The following PIP5K1B variants were observed in gnomAD, a reference collection of about 807,000 sequenced individuals.
PIP5K1B encodes the protein phosphatidylinositol-4-phosphate 5-kinase type 1 beta.
Under a neutral mutation model 67.0 loss-of-function variants are expected in PIP5K1B, and 42 were observed. The ratio of observed to expected loss-of-function variants is 0.63; its 90% CI spans 0.49 to 0.81. The LOEUF (loss-of-function observed/expected upper bound fraction) is 0.81, where lower values mean the gene tolerates loss of function less well. PIP5K1B is among the 30% of genes least tolerant of loss of function. PIP5K1B has a pLI of 0.00. For missense variants in PIP5K1B, 459 were observed against 646.3 expected (o/e 0.71, Z 3.14); for synonymous variants, 214 against 231.4 (o/e 0.92, Z 0.68).
At chr9:68,948,644 T>C (rs950502685) in intron 14 of PIP5K1B, among the ~76,000 whole-genome samples, 1 of 15,100 alleles carries the variant, frequency 6.6e-5, no homozygotes, top group Non-Finnish European at 3.4e-4. Context: ...AGACCTTGCC[T>C]CAAAAAAAAA....
chr9:68,830,530 A>G (rs1263190963), intron 4 of PIP5K1B, among the ~76,000 whole-genome samples: 1 of 152,158 alleles, frequency 6.6e-6, no homozygotes, highest in East Asian at 1.9e-4. Context: ...TCCATATGTT[A>G]AGTTACCCAG....
intron 15 of PIP5K1B, among the ~76,000 whole-genome samples, chr9:69,000,408 T>A (rs531831373): frequency 8.5e-5 from 13 of 152,280 alleles, no homozygotes; most frequent in African/African-American, 3.1e-4. Context: ...GTTGCTATTT[T>A]ATTAGTTTTC....
At position 69,008,547 on chromosome 9, in the gene PIP5K1B, A is replaced by G; in HGVS notation, c.*98A>G. 1 of 1,161,472 alleles carries G rather than the reference A, an allele frequency of 8.6e-7. No individual in the cohort carries two copies. The highest frequency in any genetic ancestry group is 1.2e-5 in the South Asian group (1 of 81,858). The allele number at this position is 1,161,472 out of a possible 1,614,324, so 71.9% of individuals were successfully genotyped here. ...AGAATTATCCACAGCAACTTGGCTGAGCCCCACTACACACAGAGAAATCAT... is the reference window on the plus strand; with the variant it reads ...AGAATTATCCACAGCAACTTGGCTGGGCCCCACTACACACAGAGAAATCAT... On this transcript the variant is annotated 3_prime_UTR_variant, in exon 16 of 16. Transcript: ENST00000265382.
chr9:68,933,888 TG>T (rs1199045848), intron 12 of PIP5K1B, among the ~76,000 whole-genome samples: 2 of 152,176 alleles, frequency 1.3e-5, no homozygotes, highest in African/African-American at 2.4e-5. Flanking sequence ...AAGCAGCCTC[TG>T]GGAAGGCCCC....
chr9:68,788,436 A>T, intron 2 of PIP5K1B: 1 of 520,390 alleles, frequency 1.9e-6, no homozygotes, highest in Non-Finnish European at 3.5e-6. Context: ...CTTAACTACA[A>T]GTTAATTTTA....
intron 5 of PIP5K1B, 28 bp from the exon 6 acceptor site, chr9:68,876,649 C>T: frequency 1.6e-6 from 2 of 1,220,280 alleles, no homozygotes; most frequent in Admixed American, 1.7e-5. Context: ...TTCTTTCTTT[C>T]TCTCTCTTTT....
intron 9 of PIP5K1B, among the ~76,000 whole-genome samples, chr9:68,919,150 G>T (rs1004531470): frequency 5.3e-5 from 8 of 151,864 alleles, no homozygotes; most frequent in Admixed American, 5.2e-4. Flanking sequence ...TTTTATAATG[G>T]TCTAAAAATT....
chr9:68,851,555 A>G (rs1444923369), intron 4 of PIP5K1B, among the ~76,000 whole-genome samples: 1 of 152,200 alleles, frequency 6.6e-6, no homozygotes, highest in Non-Finnish European at 1.5e-5. Context: ...ATACTGGGAG[A>G]CGGGAGTAAC....
chr9:68,931,627 T>C (rs11144371), intron 12 of PIP5K1B, among the ~76,000 whole-genome samples: 1 of 152,180 alleles, frequency 6.6e-6, no homozygotes. Context: ...CAGAGTTCAT[T>C]AAGAAGAGAG....
chr9:68,879,283 G>C (rs1824053211), intron 6 of PIP5K1B, among the ~76,000 whole-genome samples: 1 of 152,128 alleles, frequency 6.6e-6, no homozygotes, highest in Non-Finnish European at 1.5e-5. Flanking sequence ...ATGTGAATTA[G>C]ACAGCCAGGC....
intron 8 of PIP5K1B, among the ~76,000 whole-genome samples, chr9:68,912,519 A>G (rs1218818214): frequency 6.6e-6 from 1 of 152,244 alleles, no homozygotes; most frequent in East Asian, 1.9e-4. Context: ...AATAGCTGAC[A>G]TTAATTGAGT....
intron 4 of PIP5K1B, among the ~76,000 whole-genome samples, chr9:68,855,649 C>G (rs1375181409): frequency 6.6e-6 from 1 of 152,162 alleles, no homozygotes; most frequent in Non-Finnish European, 1.5e-5. Flanking sequence ...TCCCTCCCTC[C>G]AATATATCTC....
intron 13 of PIP5K1B, among the ~76,000 whole-genome samples, chr9:68,938,044 C>A (rs1827358286): frequency 6.6e-6 from 1 of 152,106 alleles, no homozygotes; most frequent in Non-Finnish European, 1.5e-5. Context: ...AGAATAAGTG[C>A]AATGAGGTGC....
At chr9:68,711,080 G>A (rs1423995383) in intron 1 of PIP5K1B, among the ~76,000 whole-genome samples, 8 of 152,170 alleles carry the variant, frequency 5.3e-5, no homozygotes, top group South Asian at 4.1e-4. Flanking sequence ...AGTTCATTCA[G>A]TTTGTAAGAG....
chr9:68,868,120 C>G (rs962285553), intron 5 of PIP5K1B, among the ~76,000 whole-genome samples: 1 of 152,038 alleles, frequency 6.6e-6, no homozygotes, highest in Admixed American at 6.6e-5. Context: ...CATGATCTTC[C>G]AAAATGTGTT....
At chr9:68,737,881 A>G (rs1224847720) in intron 1 of PIP5K1B, among the ~76,000 whole-genome samples, 1 of 152,194 alleles carries the variant, frequency 6.6e-6, no homozygotes, top group Non-Finnish European at 1.5e-5. Context: ...TCTTTTATAA[A>G]AGGGGCTTCT....
intron 15 of PIP5K1B, among the ~76,000 whole-genome samples, chr9:68,998,350 C>T (rs1830682946): frequency 6.6e-6 from 1 of 152,232 alleles, no homozygotes; most frequent in Non-Finnish European, 1.5e-5. Context: ...CTGCACCCGG[C>T]TGATTTCCAC....
At chr9:68,769,518 G>A (rs1224725389) in intron 2 of PIP5K1B, among the ~76,000 whole-genome samples, 1 of 152,192 alleles carries the variant, frequency 6.6e-6, no homozygotes, top group Non-Finnish European at 1.5e-5. Flanking sequence ...GCAGCACACT[G>A]AAAGTATAAC....
chr9:68,893,893 A>G (rs1375840008), intron 7 of PIP5K1B, among the ~76,000 whole-genome samples: 2 of 152,248 alleles, frequency 1.3e-5, no homozygotes, highest in Admixed American at 1.3e-4. Context: ...CAGCCCTGGT[A>G]AGAGTAATGG....
Sources: gnomAD v4.1 joint callset for allele counts (sites outside exome capture counted in the v4.1 genomes callset) on GRCh38, gnomAD v4.1.1 for gene constraint, MANE v1.5 for transcripts, NCBI Gene and HGNC (gene_info 2026-07-23, HGNC 2026-07-21) for gene names.